PCDHA3: variants seen among roughly 807,000 people sequenced by gnomAD.
PCDHA3 encodes the protein protocadherin alpha-3.
Under a neutral mutation model 62.2 loss-of-function variants are expected in PCDHA3, and 41 were observed. The ratio of observed to expected loss-of-function variants is 0.66; its 90% CI spans 0.51 to 0.86. The LOEUF (loss-of-function observed/expected upper bound fraction) is 0.86, where lower values mean the gene tolerates loss of function less well. PCDHA3 is among the 40% of genes least tolerant of loss of function. PCDHA3 has a pLI of 0.00. For missense variants in PCDHA3, 1,304 were observed against 1,241.2 expected (o/e 1.05, Z -0.76); for synonymous variants, 640 against 555.4 (o/e 1.15, Z -2.14).
rs2150355650 is a variant in PCDHA3 at position 140,843,239 on chromosome 5, G to A, written c.2394+39648G>A. 1.4e-4 allele frequency: 219 copies of A among 1,595,896 alleles called. 23 individuals carry two copies. Among genetic ancestry groups the A allele is most frequent in the Non-Finnish European group, 1.8e-4 (209 of 1,165,556 alleles). On this transcript the variant is annotated intron_variant, in intron 1 of 3. Coordinates refer to ENST00000522353, the MANE Select transcript of PCDHA3 (RefSeq NM_018906.3). ...CAGCACCACTCGTGTCCTGGACGAA[G>A]CGGACTCTCCGCGCCACCGTCTGCT... is the stretch of plus-strand genomic sequence containing the variant.
intron 1 of PCDHA3, among the ~76,000 whole-genome samples, chr5:140,975,842 T>C (rs1291239014): frequency 1.3e-5 from 2 of 152,210 alleles, no homozygotes; most frequent in Non-Finnish European, 2.9e-5. Context: ...TATTCTTCAG[T>C]AATACTACAT....
chr5:140,890,594 T>A (rs1439050160), intron 1 of PCDHA3, among the ~76,000 whole-genome samples: 1 of 152,150 alleles, frequency 6.6e-6, no homozygotes, highest in East Asian at 1.9e-4. Context: ...GAAGCCCTTT[T>A]CCGAATAGCT....
At position 140,944,281 on chromosome 5, in the gene PCDHA3, G is replaced by A. The variant is rs987563636; in HGVS notation, c.2395-34668G>A. ...CTGCTCACTGCAGCCTTGACACCCC[G>A]GGCTCAAGCGATCCTCCTACCTCAG... On this transcript the variant is annotated intron_variant, in intron 1 of 3. Coordinates refer to ENST00000522353, the MANE Select transcript of PCDHA3 (RefSeq NM_018906.3). Among the ~76,000 whole-genome samples, 18 of 152,138 alleles carry A rather than the reference G, an allele frequency of 1.2e-4. No individual in the cohort carries two copies. The Middle Eastern group carries it at 0.014, about 115-fold the overall frequency.
chr5:140,824,239 G>A lies in PCDHA3; in HGVS notation c.2394+20648G>A, dbSNP rs2150133402. The A allele has an allele frequency of 4.7e-6, 7 of 1,502,088 alleles. No individual in the cohort carries two copies. The East Asian group carries it at 6.8e-5, about 14-fold the overall frequency. The allele number at this position is 1,502,088 out of a possible 1,614,324, so 93.0% of individuals were successfully genotyped here. On this transcript the variant is annotated intron_variant, in intron 1 of 3. Coordinates refer to ENST00000522353, the MANE Select transcript of PCDHA3 (RefSeq NM_018906.3). The stretch of plus-strand genomic sequence containing the variant: ...AATTATGTCTTAGTACACAAATATT[G>A]TGGTACACAATTATTGCACTAATTC...
chr5:140,869,747 C>A (rs1554163400), intron 1 of PCDHA3: 1 of 1,613,276 alleles, frequency 6.2e-7, no homozygotes. Context: ...CTAACAGCTA[C>A]AGACGGGGGA....
In PCDHA3 at chr5:140,842,901, A is replaced by G. The variant is rs150252824; in HGVS notation, c.2394+39310A>G. ...GCGCTGCAGCCGCTGGACCACGAGG[A>G]GCTAGAGCTGCTGCAGTTCCAGGTG... On this transcript the variant is annotated intron_variant, in intron 1 of 3. Transcript: ENST00000522353. 211 of 1,594,012 alleles carry G rather than the reference A, an allele frequency of 1.3e-4. 20 individuals carry two copies. Among genetic ancestry groups the G allele is most frequent in the Non-Finnish European group, 1.7e-4 (198 of 1,165,384 alleles).
chr5:140,991,501 A>G (rs1223011478), intron 3 of PCDHA3, among the ~76,000 whole-genome samples: 1 of 152,216 alleles, frequency 6.6e-6, no homozygotes, highest in East Asian at 1.9e-4. Context: ...AGTGAGTTTC[A>G]CTGGCTAAAA....
At chr5:140,858,433 G>A in intron 1 of PCDHA3, 3 of 1,545,478 alleles carry the variant, frequency 1.9e-6, no homozygotes, top group Non-Finnish European at 2.6e-6. Flanking sequence ...ACCACTCTAG[G>A]AAGGTGGGTT....
chr5:140,867,686 C>CT, intron 1 of PCDHA3: 1 of 152,084 alleles, frequency 6.6e-6, no homozygotes, highest in Middle Eastern at 3.4e-3. Flanking sequence ...GTTGCATCTT[C>CT]TTTTTTTCCT....
chr5:140,883,306 C>T (rs2059544095), intron 1 of PCDHA3: 2 of 1,614,050 alleles, frequency 1.2e-6, no homozygotes, highest in Non-Finnish European at 8.5e-7. Context: ...TAAATGATAA[C>T]GCCCCAGAGG....
intron 1 of PCDHA3, chr5:140,882,640 G>C (rs1330929245): frequency 1.2e-6 from 2 of 1,614,068 alleles, no homozygotes; most frequent in Admixed American, 3.3e-5. Context: ...TGAAGGTGAG[G>C]GACATTAACG....
chr5:140,964,000 T>C (rs900134447), intron 1 of PCDHA3, among the ~76,000 whole-genome samples: 2 of 152,218 alleles, frequency 1.3e-5, no homozygotes, highest in African/African-American at 2.4e-5. Flanking sequence ...TACTGTGTTC[T>C]ACTTTTTAAT....
In PCDHA3 at chr5:140,862,815, G is replaced by C. The variant is rs781964079; in HGVS notation, c.2394+59224G>C. 7 of 574,804 alleles carry C rather than the reference G, an allele frequency of 1.2e-5. No individual in the cohort carries two copies. The African/African-American group carries it at 1.3e-4, about 11-fold the overall frequency. The allele number at this position is 574,804 out of a possible 1,614,324, so 35.6% of individuals were successfully genotyped here. A position where few individuals can be genotyped will look rare whatever the true frequency, so the allele number is the denominator to read the frequency against. ...AGGAGCTGGAGCTGCTGCAGTTCTA[G>C]GTGAGAGCGCGCGACGCGGGCATGC... is the stretch of plus-strand genomic sequence containing the variant. On this transcript the variant is annotated intron_variant, in intron 1 of 3. Coordinates refer to ENST00000522353, the MANE Select transcript of PCDHA3 (RefSeq NM_018906.3).
chr5:140,872,354 A>G (rs2053612951), intron 1 of PCDHA3, among the ~76,000 whole-genome samples: 1 of 152,138 alleles, frequency 6.6e-6, no homozygotes, highest in Non-Finnish European at 1.5e-5. Context: ...TTGCCAGGCA[A>G]AGTGGTTCAG....
intron 1 of PCDHA3, chr5:140,883,153 A>G (rs1268982674): frequency 2.5e-6 from 4 of 1,614,120 alleles, no homozygotes; most frequent in Non-Finnish European, 8.5e-7. Flanking sequence ...CATTTACCAT[A>G]AATCCGAACA....
intron 3 of PCDHA3, among the ~76,000 whole-genome samples, chr5:141,004,019 A>G (rs2098147783): frequency 6.6e-6 from 1 of 152,244 alleles, no homozygotes; most frequent in South Asian, 2.1e-4. Flanking sequence ...CACTGAAAGA[A>G]GAAACATTTC....
chr5:140,818,380 G>A (rs2150101126), intron 1 of PCDHA3, among the ~76,000 whole-genome samples: 4 of 152,192 alleles, frequency 2.6e-5, no homozygotes, highest in African/African-American at 9.6e-5. Context: ...TTGAATCGTG[G>A]CATTTTTCCA....
In PCDHA3 at chr5:140,997,121, A is replaced by G. The variant is rs138556400; in HGVS notation, c.2543-12506A>G. On this transcript the variant is annotated intron_variant, in intron 3 of 3. Transcript: ENST00000522353. ...CTCATGCACTCCTGCTCTCCCACAT[A>G]CACAATGCCCCCACACCCCCGCCAC... 2.1e-4 allele frequency among the ~76,000 whole-genome samples: 32 copies of G among 152,152 alleles called. No individual in the cohort carries two copies. The East Asian group carries it at 5.8e-3, about 28-fold the overall frequency.
At chr5:140,827,662 C>T (rs183255213) in intron 1 of PCDHA3, among the ~76,000 whole-genome samples, 59 of 152,266 alleles carry the variant, frequency 3.9e-4, no homozygotes, top group Admixed American at 2.4e-3. Flanking sequence ...AAAGCAGTTC[C>T]GTTAACACTT....
Sources: gnomAD v4.1 joint callset for allele counts (sites outside exome capture counted in the v4.1 genomes callset) on GRCh38, gnomAD v4.1.1 for gene constraint, MANE v1.5 for transcripts, NCBI Gene and HGNC (gene_info 2026-07-23, HGNC 2026-07-21) for gene names.